The following FLRT2 variants were observed in gnomAD, a reference collection of about 807,000 sequenced individuals.
The protein encoded by FLRT2 is fibronectin leucine rich transmembrane protein 2.
A neutral mutation model predicts 40.0 loss-of-function variants in FLRT2; 15 were observed. That is an observed-to-expected ratio of 0.38 (90% CI 0.25 to 0.58). The LOEUF (loss-of-function observed/expected upper bound fraction) is 0.58, where lower values mean the gene tolerates loss of function less well. FLRT2 is among the 20% of genes least tolerant of loss of function. The pLI is 0.71. For missense variants in FLRT2, 726 were observed against 840.0 expected (o/e 0.86, Z 1.68); for synonymous variants, 380 against 336.8 (o/e 1.13, Z -1.41).
intron 1 of FLRT2, among the ~76,000 whole-genome samples, chr14:85,579,669 G>C (rs890860542): frequency 2.0e-5 from 3 of 152,142 alleles, no homozygotes; most frequent in African/African-American, 7.2e-5. Context: ...TGCAAACACT[G>C]ATATTCTTAA....
rs1894414205 is a variant in FLRT2, at chr14:85,650,824, G to A, written c.*27327G>A. On this transcript the variant is annotated 3_prime_UTR_variant, in exon 2 of 2. Coordinates refer to ENST00000330753, the MANE Select transcript of FLRT2 (RefSeq NM_013231.6). The stretch of plus-strand genomic sequence containing the variant: ...ATGGTGTTAGCTAGCTATATTCTTT[G>A]CAATAATTATTAAAATTTTCTTTTT... The A allele has an allele frequency of 6.6e-6, 1 of 150,870 alleles. No homozygotes were observed. Among genetic ancestry groups the A allele is most frequent in the Non-Finnish European group, 1.5e-5 (1 of 67,762 alleles). 9.3% of individuals were successfully genotyped at this position (150,870 alleles called of 1,614,324 possible).
At chr14:85,534,793 T>G (rs1210874975) in intron 1 of FLRT2, among the ~76,000 whole-genome samples, 1 of 151,896 alleles carries the variant, frequency 6.6e-6, no homozygotes, top group South Asian at 2.1e-4. Flanking sequence ...GCTAAGAAAA[T>G]AGCTGCAGCT....
chr14:85,565,121 G>T (rs1890560884), intron 1 of FLRT2, among the ~76,000 whole-genome samples: 1 of 152,174 alleles, frequency 6.6e-6, no homozygotes, highest in African/African-American at 2.4e-5. Flanking sequence ...TCCTTTCAGG[G>T]ATCTTGGGAA....
At chr14:85,598,233 A>G (rs1251217796) in intron 1 of FLRT2, among the ~76,000 whole-genome samples, 1 of 152,172 alleles carries the variant, frequency 6.6e-6, no homozygotes. Context: ...GAGATTTTGG[A>G]TCGGAGTTGT....
chr14:85,542,032 T>TA (rs1250564269), intron 1 of FLRT2, among the ~76,000 whole-genome samples: 3 of 152,230 alleles, frequency 2.0e-5, no homozygotes, highest in African/African-American at 7.2e-5. Context: ...TATTTTATTG[T>TA]AGAAGATTAG....
rs1893363837 is a variant in FLRT2 at position 85,621,201 on chromosome 14, GA to G, written c.-312del. 2.6e-6 allele frequency: 1 copy of G among 384,018 alleles called. No homozygotes were observed. Among genetic ancestry groups the G allele is most frequent in the South Asian group, 5.8e-5 (1 of 17,372 alleles). The allele number at this position is 384,018 out of a possible 1,614,324, so 23.8% of individuals were successfully genotyped here. A position where few individuals can be genotyped will look rare whatever the true frequency, so the allele number is the denominator to read the frequency against. The stretch of plus-strand genomic sequence containing the variant: ...ATCAAGGCTGGCTTGACCTACAAAA[GA>G]AGAAGAGAGTTCTGCCTGCCCACTT... On this transcript the variant is annotated 5_prime_UTR_variant, in exon 2 of 2. It introduces an in-frame stop codon into an upstream open reading frame of the 5' UTR. Coordinates refer to ENST00000330753, the MANE Select transcript of FLRT2 (RefSeq NM_013231.6).
rs947931011 is a variant in FLRT2 at position 85,633,339 on chromosome 14, G to A, written c.*9842G>A. 1.7e-4 allele frequency: 26 copies of A among 152,102 alleles called. No individual in the cohort carries two copies. Among genetic ancestry groups the A allele is most frequent in the African/African-American group, 5.8e-4 (24 of 41,408 alleles). The allele number at this position is 152,102 out of a possible 1,614,324, so 9.4% of individuals were successfully genotyped here. A position where few individuals can be genotyped will look rare whatever the true frequency, so the allele number is the denominator to read the frequency against. On this transcript the variant is annotated 3_prime_UTR_variant, in exon 2 of 2. Transcript: ENST00000330753. ...TGTGGGATCATTGAACAACATGGTTGAACAGAAAGAGAACAGACTTCTTTA... is the reference window on the plus strand; with the variant it reads ...TGTGGGATCATTGAACAACATGGTTAAACAGAAAGAGAACAGACTTCTTTA...
intron 1 of FLRT2, among the ~76,000 whole-genome samples, chr14:85,590,267 A>G (rs1456995390): frequency 6.6e-6 from 1 of 151,990 alleles, no homozygotes; most frequent in South Asian, 2.1e-4. Context: ...CCCCCTTTAG[A>G]ATGACTTTGC....
intron 1 of FLRT2, among the ~76,000 whole-genome samples, chr14:85,534,743 G>A (rs1382262126): frequency 2.0e-5 from 3 of 152,020 alleles, no homozygotes; most frequent in Admixed American, 1.3e-4. Context: ...CGGCAGCGGA[G>A]AGAAGACGGT....
intron 1 of FLRT2, among the ~76,000 whole-genome samples, chr14:85,558,032 C>T (rs563897929): frequency 3.9e-5 from 6 of 152,162 alleles, no homozygotes; most frequent in African/African-American, 7.2e-5. Flanking sequence ...CATAGACTTC[C>T]GTAGAAAGCA....
intron 1 of FLRT2, among the ~76,000 whole-genome samples, chr14:85,586,161 T>C (rs1038315729): frequency 6.7e-6 from 1 of 149,210 alleles, no homozygotes; most frequent in Non-Finnish European, 1.5e-5. Flanking sequence ...ATATATTACA[T>C]ATTAATATAA....
At chr14:85,597,363 G>A (rs1322549278) in intron 1 of FLRT2, among the ~76,000 whole-genome samples, 6 of 152,090 alleles carry the variant, frequency 3.9e-5, no homozygotes, top group Non-Finnish European at 7.4e-5. Flanking sequence ...TTTAGAGAAC[G>A]TTGATTTCTT....
At chr14:85,587,418 TC>T (rs1891672718) in intron 1 of FLRT2, among the ~76,000 whole-genome samples, 1 of 152,206 alleles carries the variant, frequency 6.6e-6, no homozygotes, top group South Asian at 2.1e-4. Flanking sequence ...TCCGAGATTT[TC>T]CTGATTTGTT....
intron 1 of FLRT2, among the ~76,000 whole-genome samples, chr14:85,596,865 T>C (rs1405273599): frequency 6.6e-6 from 1 of 152,168 alleles, no homozygotes; most frequent in Non-Finnish European, 1.5e-5. Context: ...CATATGGCCT[T>C]AACGATTTGA....
chr14:85,534,434 G>A (rs377297467), intron 1 of FLRT2, among the ~76,000 whole-genome samples: 1 of 152,156 alleles, frequency 6.6e-6, no homozygotes, highest in Non-Finnish European at 1.5e-5. Flanking sequence ...GTGAAATATT[G>A]CAAGCAAAGA....
chr14:85,540,040 AT>A (rs1373858733), intron 1 of FLRT2, among the ~76,000 whole-genome samples: 1 of 138,792 alleles, frequency 7.2e-6, no homozygotes, highest in Non-Finnish European at 1.7e-5. Context: ...TTTTCTTTTG[AT>A]TTTGGAAAGA....
rs1273708048 is a variant in FLRT2 at position 85,623,258 on chromosome 14, G to A, written c.1744G>A (p.Gly582Ser). ...CTCCCAGAAGTGGAAATACAACCGGGGCCGGCGGAAAGATGATTATTGCGA... is the reference window on the plus strand; with the variant it reads ...CTCCCAGAAGTGGAAATACAACCGGAGCCGGCGGAAAGATGATTATTGCGA... The part of the protein sequence containing the change: ...YTSQKWKYNR[G>S]RRKDDYCEAG... Residue 582 changes from glycine (G) to serine (S), a missense_variant, in exon 2 of 2, where the codon GGC (glycine) becomes AGC (serine). Gly to Ser is a moderately conservative substitution (Grantham distance 56, BLOSUM62 0). Transcript: ENST00000330753. The A allele has an allele frequency of 5.3e-6, 8 of 1,515,746 alleles. No individual in the cohort carries two copies. The highest frequency in any genetic ancestry group is 2.6e-6 in the Non-Finnish European group (3 of 1,132,582). The allele number at this position is 1,515,746 out of a possible 1,614,324, so 93.9% of individuals were successfully genotyped here.
rs1893630428 is a variant in FLRT2, at chr14:85,625,324, A to G, written c.*1827A>G. On this transcript the variant is annotated 3_prime_UTR_variant, in exon 2 of 2. Transcript: ENST00000330753. ...TACTAGCTCTCTCTCTCTCAGCAAAATAAAACTGTGATGTGTCTTCTTTGT... is the reference window on the plus strand; with the variant it reads ...TACTAGCTCTCTCTCTCTCAGCAAAGTAAAACTGTGATGTGTCTTCTTTGT... 6.0e-6 allele frequency: 1 copy of G among 167,204 alleles called. No homozygotes were observed. The highest frequency in any genetic ancestry group is 6.5e-5 in the Admixed American group (1 of 15,294). 10.4% of individuals were successfully genotyped at this position (167,204 alleles called of 1,614,324 possible). A position where few individuals can be genotyped will look rare whatever the true frequency, so the allele number is the denominator to read the frequency against.
Position 85,630,370 on chromosome 14 carries a change from A to G in FLRT2, c.*6873A>G, listed in dbSNP as rs971692137. 1 of 145,926 alleles carries G rather than the reference A, an allele frequency of 6.9e-6. No individual in the cohort carries two copies. The highest frequency in any genetic ancestry group is 2.6e-5 in the African/African-American group (1 of 39,174). The allele number at this position is 145,926 out of a possible 1,614,324, so 9.0% of individuals were successfully genotyped here. A position where few individuals can be genotyped will look rare whatever the true frequency, so the allele number is the denominator to read the frequency against. On this transcript the variant is annotated 3_prime_UTR_variant, in exon 2 of 2. Coordinates refer to ENST00000330753, the MANE Select transcript of FLRT2 (RefSeq NM_013231.6). ...CCTTAGGGGAATTCTTATTACTTCA[A>G]TGACATAATAAACCTCAGTATTGGG...
Sources: gnomAD v4.1 joint callset for allele counts (sites outside exome capture counted in the v4.1 genomes callset) on GRCh38, gnomAD v4.1.1 for gene constraint, MANE v1.5 for transcripts, NCBI Gene and HGNC (gene_info 2026-07-23, HGNC 2026-07-21) for gene names.